Variants in LACTB2 observed in about 807,000 individuals in gnomAD.
The protein encoded by LACTB2 is endoribonuclease LACTB2.
Under a neutral mutation model 34.8 loss-of-function variants are expected in LACTB2, and 32 were observed. That is an observed-to-expected ratio of 0.92 (90% CI 0.69 to 1.24). LACTB2 has a LOEUF of 1.24. Among genes scored for constraint, LACTB2 ranks in the 50% most tolerant of loss-of-function variants. The probability of loss-of-function intolerance (pLI) is 0.00; values close to 1 mark genes in which losing one functional copy is unlikely to be tolerated. For synonymous variants in LACTB2, 120 were observed against 117.5 expected (o/e 1.02, Z -0.14); for missense variants, 320 against 345.0 (o/e 0.93, Z 0.57).
At chr8:70,666,843 G>A (rs1018137436) in intron 1 of LACTB2, among the ~76,000 whole-genome samples, 1 of 152,144 alleles carries the variant, frequency 6.6e-6, no homozygotes, top group South Asian at 2.1e-4. Context: ...ACTGAAGGAG[G>A]ACCTGGCAGT....
intron 3 of LACTB2, among the ~76,000 whole-genome samples, chr8:70,655,834 CCT>C (rs1818405706): frequency 1.3e-5 from 2 of 152,180 alleles, no homozygotes; most frequent in East Asian, 1.9e-4. Context: ...GAAAGTGTCC[CCT>C]GTTCACCGCA....
chr8:70,657,073 T>C (rs1429583429), intron 3 of LACTB2, among the ~76,000 whole-genome samples: 1 of 152,166 alleles, frequency 6.6e-6, no homozygotes, highest in Non-Finnish European at 1.5e-5. Context: ...AATACCATTT[T>C]GAAACCCTCA....
intron 1 of LACTB2, among the ~76,000 whole-genome samples, chr8:70,668,748 G>GTTTTTTTTTTTTTTTTTTTTTTTT (rs990900411): frequency 1.7e-4 from 18 of 103,702 alleles, no homozygotes; most frequent in South Asian, 4.8e-4. Context: ...CAAAACAGAA[G>GTTTTTTTTTTTTTTTTTTTTTTTT]TTTTTTTTTT....
intron 2 of LACTB2, among the ~76,000 whole-genome samples, chr8:70,659,952 T>G (rs1315891783): frequency 6.6e-6 from 1 of 152,198 alleles, no homozygotes; most frequent in Non-Finnish European, 1.5e-5. Flanking sequence ...CACTAAACTG[T>G]TCACTTAAAA....
At chr8:70,655,370 C>T (rs1431290716) in intron 3 of LACTB2, among the ~76,000 whole-genome samples, 3 of 152,074 alleles carry the variant, frequency 2.0e-5, no homozygotes, top group African/African-American at 7.2e-5. Context: ...CAGGCATGCA[C>T]CACCATGCCC....
intron 1 of LACTB2, 96 bp downstream of exon 1, chr8:70,668,903 C>T: frequency 2.0e-6 from 3 of 1,503,598 alleles, no homozygotes; most frequent in Non-Finnish European, 2.7e-6. Flanking sequence ...AGGGACAGGA[C>T]GCGGCGCTCT....
chr8:70,657,866 A>T lies in LACTB2; in HGVS notation c.303T>A (p.Ile101=), dbSNP rs759350071. ...KSINNDTTYC[I]KKLPRNPQRE... ...TCTGAGGATTCCGTGGGAGTTTTTT[A>T]ATGCAATAGGTAGTGTCTAGTCATA... is the stretch of plus-strand genomic sequence containing the variant. Residue 101 remains isoleucine (I), a synonymous_variant, in exon 3 of 7, where the codon ATT becomes ATA. Coordinates refer to ENST00000276590, the MANE Select transcript of LACTB2 (RefSeq NM_016027.3). 1.3e-6 allele frequency: 2 copies of T among 1,597,752 alleles called. No individual in the cohort carries two copies. Among genetic ancestry groups the T allele is most frequent in the Admixed American group, 3.3e-5 (2 of 59,872 alleles).
At chr8:70,638,053 C>T (rs1477317879) in intron 6 of LACTB2, 150 bp from the exon 7 acceptor site, 1 of 463,426 alleles carries the variant, frequency 2.2e-6, no homozygotes, top group Non-Finnish European at 3.9e-6. Flanking sequence ...CATGTAAAAA[C>T]ATTGCTAAGG....
Position 70,637,751 on chromosome 8 carries a change from G to A in LACTB2, c.*109C>T, listed in dbSNP as rs1818141284. 2 of 564,684 alleles carry A rather than the reference G, an allele frequency of 3.5e-6. No homozygotes were observed. The highest frequency in any genetic ancestry group is 3.8e-5 in the Admixed American group (1 of 26,066). 35.0% of individuals were successfully genotyped at this position (564,684 alleles called of 1,614,324 possible). ...AACATTATTTTAAAGTATATCTAGG[G>A]TTATTTTTAATGTTTTATACTTTTA... On this transcript the variant is annotated 3_prime_UTR_variant, in exon 7 of 7. Coordinates refer to ENST00000276590, the MANE Select transcript of LACTB2 (RefSeq NM_016027.3).
At chr8:70,668,215 G>C (rs1265183050) in intron 1 of LACTB2, among the ~76,000 whole-genome samples, 1 of 146,992 alleles carries the variant, frequency 6.8e-6, no homozygotes, top group African/African-American at 2.4e-5. Flanking sequence ...TTTATGTCTT[G>C]ACTGCACAAT....
chr8:70,664,063 A>AT (rs1371744300), intron 1 of LACTB2, among the ~76,000 whole-genome samples: 1 of 152,164 alleles, frequency 6.6e-6, no homozygotes, highest in Non-Finnish European at 1.5e-5. Flanking sequence ...CCCATCCTAG[A>AT]TTTTGGCTGC....
At chr8:70,654,903 A>C (rs933972758) in intron 3 of LACTB2, 1 of 152,184 alleles carries the variant, frequency 6.6e-6, no homozygotes, top group African/African-American at 2.4e-5. Context: ...TATTTTTTCC[A>C]TAAGTTATTG....
At chr8:70,667,014 G>C (rs1038204253) in intron 1 of LACTB2, among the ~76,000 whole-genome samples, 3 of 152,014 alleles carry the variant, frequency 2.0e-5, no homozygotes, top group Non-Finnish European at 4.4e-5. Context: ...AGATAATAAA[G>C]GCAAAGCCAA....
chr8:70,638,705 G>A, intron 5 of LACTB2, 76 bp from the exon 6 acceptor site: 1 of 1,179,236 alleles, frequency 8.5e-7, no homozygotes, highest in South Asian at 2.0e-5. Flanking sequence ...TGAAAGCTTT[G>A]AAGAAAAGCA....
chr8:70,656,098 T>C (rs368617826), intron 3 of LACTB2, among the ~76,000 whole-genome samples: 51 of 152,198 alleles, frequency 3.4e-4, no homozygotes, highest in African/African-American at 1.2e-3. Flanking sequence ...TTGTCAGATG[T>C]ATAGATTATG....
chr8:70,638,473 C>T (rs49195), intron 6 of LACTB2, 75 bp downstream of exon 6: 477,027 of 1,407,478 alleles, frequency 0.34, 84,559 homozygotes, highest in East Asian at 0.62. Context: ...TATTATTTTT[C>T]CTCAAAGGAA....
Position 70,657,877 on chromosome 8 carries a change from T to C in LACTB2, c.292A>G (p.Thr98Ala), listed in dbSNP as rs1466656077. ...CGTGGGAGTTTTTTAATGCAATAGG[T>C]AGTGTCTAGTCATAAAACATATAAA... ...DICKSINNDT[T>A]YCIKKLPRNP... Residue 98 changes from threonine to alanine, a missense_variant, in exon 3 of 7, where the codon ACC becomes GCC. By Grantham distance (58) the Thr-to-Ala change is moderately conservative (BLOSUM62 0). Transcript: ENST00000276590. 1 of 1,588,062 alleles carries C rather than the reference T, an allele frequency of 6.3e-7. No individual in the cohort carries two copies. Among genetic ancestry groups the C allele is most frequent in the Admixed American group, 1.7e-5 (1 of 59,162 alleles).
At chr8:70,668,861 G>GACGGGGCTGCTAGGC in intron 1 of LACTB2, 138 bp downstream of exon 1, 1 of 1,176,730 alleles carries the variant, frequency 8.5e-7, no homozygotes, top group South Asian at 1.5e-5. Flanking sequence ...GTGCAGTCCC[G>GACGGGGCTGCTAGGC]ACGGGGCTGC....
intron 1 of LACTB2, among the ~76,000 whole-genome samples, chr8:70,667,952 C>T (rs897563892): frequency 7.9e-5 from 12 of 152,140 alleles, no homozygotes; most frequent in African/African-American, 2.9e-4. Flanking sequence ...CAGACTGTAC[C>T]CTAGAGATCT....
Sources: gnomAD v4.1 joint callset for allele counts (sites outside exome capture counted in the v4.1 genomes callset) on GRCh38, gnomAD v4.1.1 for gene constraint, MANE v1.5 for transcripts, NCBI Gene and HGNC (gene_info 2026-07-23, HGNC 2026-07-21) for gene names.